The following RIMS1 variants were observed in gnomAD, a reference collection of about 807,000 sequenced individuals.
RIMS1 encodes regulating synaptic membrane exocytosis protein 1.
In RIMS1, 83 loss-of-function variants were observed where a neutral mutation model predicts 214.1. That is an observed-to-expected ratio of 0.39 (90% confidence interval 0.32 to 0.47). The LOEUF (loss-of-function observed/expected upper bound fraction) is 0.47, where lower values mean the gene tolerates loss of function less well. Among genes scored for constraint, RIMS1 ranks in the 20% least tolerant of loss-of-function variants. The pLI, the probability that RIMS1 is intolerant of heterozygous loss-of-function variation, is 0.99. For missense variants in RIMS1, 2,050 were observed against 2,161.8 expected, an observed-to-expected ratio of 0.95 and a Z score of 1.03; for synonymous variants, 793 against 786.8, an observed-to-expected ratio of 1.01 and a Z score of -0.13.
chr6:72,091,908 A>G (rs1836335858), intron 2 of RIMS1, among the ~76,000 whole-genome samples: 1 of 152,236 alleles, frequency 6.6e-6, no homozygotes, highest in South Asian at 2.1e-4. Flanking sequence ...TTTCACAAAA[A>G]GGTTTTACAT....
chr6:72,003,603 T>C (rs939296485), intron 2 of RIMS1, among the ~76,000 whole-genome samples: 1 of 142,252 alleles, frequency 7.0e-6, no homozygotes, highest in African/African-American at 2.4e-5. Context: ...TGCTTGCAGG[T>C]GTGTGTCTGT....
chr6:71,930,498 G>A (rs535050515), intron 1 of RIMS1, among the ~76,000 whole-genome samples: 1 of 151,972 alleles, frequency 6.6e-6, no homozygotes, highest in Non-Finnish European at 1.5e-5. Context: ...CTAGAGATTA[G>A]TCAGTCTATT....
intron 9 of RIMS1, among the ~76,000 whole-genome samples, chr6:72,240,442 C>T (rs2066248158): frequency 6.6e-6 from 1 of 151,270 alleles, no homozygotes; most frequent in African/African-American, 2.4e-5. Flanking sequence ...AGTATTGTTT[C>T]ATAAATGTTT....
chr6:72,178,435 T>C lies in RIMS1; in HGVS notation c.472-1140T>C, dbSNP rs2048004001. Reference sequence around the variant, plus strand: ...TGCTTCTTTTACTATTTTCTATTACTTATCAGTTAATGTTTCTACGATTTA... The same window carrying C: ...TGCTTCTTTTACTATTTTCTATTACCTATCAGTTAATGTTTCTACGATTTA... On this transcript the variant is annotated intron_variant, in intron 4 of 33. Coordinates refer to ENST00000521978, the MANE Select transcript of RIMS1 (RefSeq NM_014989.7). Among the ~76,000 whole-genome samples, 7 of 152,264 alleles carry C rather than the reference T, an allele frequency of 4.6e-5. 1 individual carries two copies. Among genetic ancestry groups the C allele is most frequent in the Admixed American group, 4.6e-4 (7 of 15,290 alleles).
chr6:72,242,723 G>A (rs142843111), intron 10 of RIMS1, among the ~76,000 whole-genome samples: 2,610 of 151,798 alleles, frequency 0.017, 25 homozygotes, highest in African/African-American at 0.024. Context: ...TTCTTTTAAT[G>A]GCAGATATAT....
At chr6:72,369,096 A>T (rs778077961) in intron 29 of RIMS1, among the ~76,000 whole-genome samples, 3 of 150,094 alleles carry the variant, frequency 2.0e-5, no homozygotes, top group Admixed American at 6.7e-5. Flanking sequence ...AGCACAGTAA[A>T]TGTTATGGTA....
rs1445338438 is a variant in RIMS1, at chr6:72,097,159, C to T, written c.456C>T (p.Asn152=). 3.7e-6 allele frequency: 6 copies of T among 1,613,420 alleles called. No individual in the cohort carries two copies. Among genetic ancestry groups the T allele is most frequent in the Non-Finnish European group, 5.1e-6 (6 of 1,179,644 alleles). ...RCGGRVSLRS[N]NEDKVVMWVC... The stretch of plus-strand genomic sequence containing the variant: ...GAGGCCGCGTGTCTCTACGGTCAAA[C>T]AACGTGAGTATTCCATGAACATAAG... The change falls in exon 3 of 34, where the codon AAC becomes AAT. Residue 152 remains asparagine, a synonymous_variant. Transcript: ENST00000521978.
At chr6:72,366,105 A>C (rs1365757739) in intron 29 of RIMS1, among the ~76,000 whole-genome samples, 2 of 152,216 alleles carry the variant, frequency 1.3e-5, no homozygotes, top group African/African-American at 4.8e-5. Context: ...GCTCAACAGA[A>C]GTTAGAACCT....
rs1767904850 is a variant in RIMS1, at chr6:71,886,887, C to CT, written c.-137_-136insT. On this transcript the variant is annotated 5_prime_UTR_variant, in exon 1 of 34. It introduces an in-frame stop codon into an upstream open reading frame of the 5' UTR. Transcript: ENST00000521978. Reference sequence around the variant, plus strand: ...CCGGCTCTGCTGCTGCTGCTGCTGCCGCCGCCGCCGCTGCTCCTCCTCCTG... The same window carrying CT: ...CCGGCTCTGCTGCTGCTGCTGCTGCCTGCCGCCGCCGCTGCTCCTCCTCCTG... The CT allele has an allele frequency of 7.9e-6, 7 of 881,668 alleles. No homozygotes were observed. The highest frequency in any genetic ancestry group is 1.7e-5 in the African/African-American group (1 of 59,276). 54.6% of individuals were successfully genotyped at this position (881,668 alleles called of 1,614,324 possible).
chr6:72,303,299 A>G (rs531474506), intron 26 of RIMS1, among the ~76,000 whole-genome samples: 76 of 150,964 alleles, frequency 5.0e-4, no homozygotes, highest in African/African-American at 9.9e-4. Context: ...TTTTAATAAT[A>G]TGAAAGGGAT....
chr6:72,247,363 C>A (rs1281131882), intron 11 of RIMS1, among the ~76,000 whole-genome samples: 2 of 151,798 alleles, frequency 1.3e-5, no homozygotes, highest in African/African-American at 2.4e-5. Context: ...TGGAGAAACC[C>A]CGTCTCTACT....
intron 4 of RIMS1, among the ~76,000 whole-genome samples, chr6:72,155,681 T>G (rs2153912594): frequency 7.1e-6 from 1 of 140,792 alleles, no homozygotes. Context: ...AATTCCCATT[T>G]TTTAAAACCA....
chr6:71,991,340 G>A (rs923997757), intron 2 of RIMS1, among the ~76,000 whole-genome samples: 1 of 151,794 alleles, frequency 6.6e-6, no homozygotes, highest in African/African-American at 2.4e-5. Context: ...TTTTAAAAAT[G>A]CCTAATTCTA....
At chr6:72,008,740 A>G (rs1241325973) in intron 2 of RIMS1, among the ~76,000 whole-genome samples, 1 of 152,220 alleles carries the variant, frequency 6.6e-6, no homozygotes, top group Non-Finnish European at 1.5e-5. Context: ...CCATTACATA[A>G]TAGTAAAGGG....
intron 2 of RIMS1, among the ~76,000 whole-genome samples, chr6:72,085,672 A>G (rs1347475794): frequency 6.6e-6 from 1 of 152,098 alleles, no homozygotes; most frequent in Admixed American, 6.5e-5. Context: ...GAACTACTAA[A>G]AAAGCTCCTT....
chr6:72,078,596 C>T (rs1357848176), intron 2 of RIMS1, among the ~76,000 whole-genome samples: 1 of 151,996 alleles, frequency 6.6e-6, no homozygotes, highest in Non-Finnish European at 1.5e-5. Context: ...GTTGCTATAC[C>T]AAACCTATCT....
Position 72,182,418 on chromosome 6 carries a change from G to A in RIMS1, c.947G>A (p.Ser316Asn), listed in dbSNP as rs1384888839. ...EERERKERRESRRLEKGRSQD... is the reference protein window; with the variant it reads ...EERERKERRENRRLEKGRSQD... ...CGGGAGCGCAAAGAAAGGCGGGAAA[G>A]CCGAAGGCTTGAGAAAGGGCGATCA... Residue 316 changes from serine (S) to asparagine (N), a missense_variant, in exon 6 of 34, where the codon AGC becomes AAC. Coordinates refer to ENST00000521978, the MANE Select transcript of RIMS1 (RefSeq NM_014989.7). The A allele has an allele frequency of 1.2e-6, 2 of 1,613,944 alleles. No individual in the cohort carries two copies. Among genetic ancestry groups the A allele is most frequent in the Non-Finnish European group, 1.7e-6 (2 of 1,179,872 alleles).
At chr6:72,063,336 A>C (rs903580674) in intron 2 of RIMS1, among the ~76,000 whole-genome samples, 1 of 152,192 alleles carries the variant, frequency 6.6e-6, no homozygotes, top group African/African-American at 2.4e-5. Flanking sequence ...AGCTGGGGGC[A>C]TGTGACTCCC....
intron 12 of RIMS1, among the ~76,000 whole-genome samples, 184 bp downstream of exon 12, chr6:72,248,311 ATACT>A (rs1208615582): frequency 2.0e-5 from 3 of 152,190 alleles, no homozygotes; most frequent in Non-Finnish European, 4.4e-5. Context: ...TTATTCAGAA[ATACT>A]TACTGAGTGC....
Sources: allele counts gnomAD v4.1 joint callset (sites outside exome capture counted in the v4.1 genomes callset), GRCh38; gene constraint gnomAD v4.1.1; transcripts MANE v1.5; gene names NCBI Gene and HGNC (gene_info 2026-07-23, HGNC 2026-07-21).